NFIA: variants seen among roughly 807,000 people sequenced by gnomAD.
The protein encoded by NFIA is nuclear factor 1 A-type.
Under a neutral mutation model 62.8 loss-of-function variants are expected in NFIA, and 8 were observed. The ratio of observed to expected loss-of-function variants is 0.13; its 90% CI spans 0.07 to 0.23. The LOEUF is 0.23. Among genes scored for constraint, NFIA ranks in the 10% least tolerant of loss-of-function variants. The pLI is 1.00. For missense variants in NFIA, 410 were observed against 642.1 expected, an observed-to-expected ratio of 0.64 and a Z score of 3.91; for synonymous variants, 235 against 238.1, an observed-to-expected ratio of 0.99 and a Z score of 0.12.
At chr1:61,193,524 G>A (rs1055885943) in intron 2 of NFIA, among the ~76,000 whole-genome samples, 1 of 152,174 alleles carries the variant, frequency 6.6e-6, no homozygotes, top group Non-Finnish European at 1.5e-5. Flanking sequence ...AGTTTTTAAT[G>A]TATGGTAAAA....
intron 2 of NFIA, among the ~76,000 whole-genome samples, chr1:61,180,631 G>A (rs1010503222): frequency 3.3e-5 from 5 of 152,160 alleles, no homozygotes; most frequent in Non-Finnish European, 7.3e-5. Flanking sequence ...AAGGCTCCAA[G>A]TGTGCTTTCT....
At chr1:61,134,340 G>A (rs1246657925) in intron 2 of NFIA, among the ~76,000 whole-genome samples, 1 of 151,356 alleles carries the variant, frequency 6.6e-6, no homozygotes, top group Non-Finnish European at 1.5e-5. Context: ...AGGAAAATCA[G>A]ATTATTTAAA....
At chr1:61,352,640 T>C in intron 5 of NFIA, 73 bp downstream of exon 5, 1 of 1,148,440 alleles carries the variant, frequency 8.7e-7, no homozygotes. Flanking sequence ...CTGGGCCCAC[T>C]ATGGATTTAG....
chr1:61,119,818 T>G (rs1361770175), intron 2 of NFIA, among the ~76,000 whole-genome samples: 1 of 152,178 alleles, frequency 6.6e-6, no homozygotes, highest in South Asian at 2.1e-4. Context: ...ATGCATCAGG[T>G]TGATACCTGG....
intron 10 of NFIA, among the ~76,000 whole-genome samples, chr1:61,447,879 G>A (rs1437660708): frequency 6.6e-6 from 1 of 152,130 alleles, no homozygotes; most frequent in Non-Finnish European, 1.5e-5. Flanking sequence ...CGCTGGTGGT[G>A]CCCGGCTTTG....
At chr1:61,265,727 G>A (rs1327260528) in intron 2 of NFIA, among the ~76,000 whole-genome samples, 5 of 152,124 alleles carry the variant, frequency 3.3e-5, no homozygotes, top group Admixed American at 3.3e-4. Context: ...ATTCTTTGAG[G>A]ATATCTTTTT....
chr1:61,098,243 G>T (rs915469797), intron 2 of NFIA, among the ~76,000 whole-genome samples: 1 of 152,130 alleles, frequency 6.6e-6, no homozygotes, highest in Non-Finnish European at 1.5e-5. Context: ...GGAAAACTGT[G>T]TACCTGAGAA....
chr1:61,352,940 G>A (rs576738232), intron 5 of NFIA, among the ~76,000 whole-genome samples: 1 of 152,218 alleles, frequency 6.6e-6, no homozygotes, highest in Admixed American at 6.5e-5. Flanking sequence ...TGGGTGGGGT[G>A]AAAAATGAGC....
intron 6 of NFIA, among the ~76,000 whole-genome samples, chr1:61,367,927 A>T (rs1334554796): frequency 6.6e-6 from 1 of 152,198 alleles, no homozygotes; most frequent in Non-Finnish European, 1.5e-5. Flanking sequence ...TGTTTAATAA[A>T]TAAGTAAATA....
chr1:61,446,503 A>G (rs1026910560), intron 10 of NFIA, among the ~76,000 whole-genome samples: 12 of 152,168 alleles, frequency 7.9e-5, no homozygotes, highest in Non-Finnish European at 1.5e-4. Context: ...GGAACTAGAA[A>G]GACCAGGAAC....
intron 7 of NFIA, among the ~76,000 whole-genome samples, chr1:61,383,965 T>G (rs1405949616): frequency 6.6e-6 from 1 of 152,250 alleles, no homozygotes; most frequent in African/African-American, 2.4e-5. Context: ...TCATATGCTT[T>G]TAAGTTTATT....
At chr1:61,283,186 A>C (rs2100289063) in intron 3 of NFIA, among the ~76,000 whole-genome samples, 1 of 152,286 alleles carries the variant, frequency 6.6e-6, no homozygotes, top group Non-Finnish European at 1.5e-5. Context: ...TTTCATCCGT[A>C]ATTGTTGCTA....
chr1:61,362,619 TG>T (rs1663359021), intron 6 of NFIA, among the ~76,000 whole-genome samples: 1 of 152,222 alleles, frequency 6.6e-6, no homozygotes, highest in Non-Finnish European at 1.5e-5. Flanking sequence ...TGTAGTATCC[TG>T]TTCCCCATTA....
chr1:61,306,276 T>TTTTTTTTC (rs1659790756), intron 3 of NFIA, among the ~76,000 whole-genome samples: 1 of 96,974 alleles, frequency 1.0e-5, no homozygotes, highest in African/African-American at 5.6e-5. Flanking sequence ...GTTCTTTTTT[T>TTTTTTTTC]TTTTTTTTTT....
intron 4 of NFIA, among the ~76,000 whole-genome samples, chr1:61,350,958 A>G (rs1267446578): frequency 6.6e-6 from 1 of 152,148 alleles, no homozygotes; most frequent in African/African-American, 2.4e-5. Context: ...ATGGTCCCCA[A>G]TTTACAATGA....
At chr1:61,359,033 T>TA in intron 5 of NFIA, 114 bp from the exon 6 acceptor site, 1 of 1,440,472 alleles carries the variant, frequency 6.9e-7, no homozygotes, top group Non-Finnish European at 9.4e-7. Context: ...GTCCTAGAAC[T>TA]ACATTAAGTT....
upstream of NFIA, chr1:61,077,588 G>A (rs1646047601): frequency 7.3e-7 from 1 of 1,367,976 alleles, no homozygotes; most frequent in East Asian, 2.7e-5. Flanking sequence ...ATTCGTCTGA[G>A]CATTTTAAAG....
chr1:61,416,485 G>C (rs1666353229), intron 9 of NFIA, among the ~76,000 whole-genome samples: 1 of 152,098 alleles, frequency 6.6e-6, no homozygotes, highest in South Asian at 2.1e-4. Flanking sequence ...ATGGGGTTCA[G>C]TGTAAGGTGA....
intron 3 of NFIA, among the ~76,000 whole-genome samples, chr1:61,296,704 C>T (rs1020637006): frequency 4.6e-5 from 7 of 152,218 alleles, no homozygotes; most frequent in African/African-American, 1.4e-4. Context: ...TCTACCCCCT[C>T]GTCATAGTCC....
Sources: gnomAD v4.1 joint callset for allele counts (sites outside exome capture counted in the v4.1 genomes callset) on GRCh38, gnomAD v4.1.1 for gene constraint, MANE v1.5 for transcripts, NCBI Gene and HGNC (gene_info 2026-07-23, HGNC 2026-07-21) for gene names.